BOD1L1: variants seen among roughly 807,000 people sequenced by gnomAD.
The protein encoded by BOD1L1 is biorientation of chromosomes in cell division 1 like 1, also known as biorientation of chromosomes in cell division protein 1-like 1.
Under a neutral mutation model 240.7 loss-of-function variants are expected in BOD1L1, and 86 were observed. The observed-to-expected ratio is 0.36, with a 90% CI of 0.30 to 0.43. The LOEUF (loss-of-function observed/expected upper bound fraction) is 0.43, where lower values mean the gene tolerates loss of function less well. Ranked by LOEUF, BOD1L1 falls within the 20% of genes least tolerant of loss-of-function variation. BOD1L1 has a pLI of 1.00. For synonymous variants in BOD1L1, 1,268 were observed against 1,272.3 expected (o/e 1.00, Z 0.07); for missense variants, 3,554 against 3,643.5 (o/e 0.98, Z 0.63).
Position 13,614,658 on chromosome 4 carries a change from G to T in BOD1L1, c.712C>A (p.Pro238Thr), listed in dbSNP as rs769094568. 1.9e-6 allele frequency: 3 copies of T among 1,613,738 alleles called. No individual in the cohort carries two copies. In the East Asian group the frequency reaches 6.7e-5, roughly 36 times the overall value. ...CTAGTATCAGTGGTTGGCTGAGATG[G>T]AAGTTTTTTTGACGCTCTCTCACTG... ...KTSERASKKLPSQPTTDTSTD... is the reference protein window; with the variant it reads ...KTSERASKKLTSQPTTDTSTD... Residue 238 changes from proline (P) to threonine (T), a missense_variant, in exon 4 of 26, where the codon CCA becomes ACA. Around this residue, in one of 2 missense-constraint regions of BOD1L1, gnomAD observed 3,393 missense variants for 3,427.1 expected, o/e 0.99. Coordinates refer to ENST00000040738, the MANE Select transcript of BOD1L1 (RefSeq NM_148894.3).
chr4:13,572,640 TTATTG>T (rs1712308493), intron 25 of BOD1L1: 1 of 1,231,218 alleles, frequency 8.1e-7, no homozygotes, highest in South Asian at 1.3e-5. Flanking sequence ...GAAGAAAGCA[TTATTG>T]TACCAAAAAT....
chr4:13,579,639 T>C (rs779227320), intron 22 of BOD1L1, among the ~76,000 whole-genome samples: 3 of 152,216 alleles, frequency 2.0e-5, no homozygotes, highest in Non-Finnish European at 4.4e-5. Context: ...ACAAATAATA[T>C]GGAATGCTCC....
intron 12 of BOD1L1, chr4:13,593,661 T>C (rs1031183898): frequency 6.6e-6 from 1 of 152,216 alleles, no homozygotes; most frequent in African/African-American, 2.4e-5. Context: ...ATCTTTATTA[T>C]AGTACCTTAC....
intron 1 of BOD1L1, chr4:13,623,925 T>C (rs561171950): frequency 1.3e-5 from 2 of 152,266 alleles, no homozygotes; most frequent in East Asian, 1.9e-4. Context: ...GTTCTTTGCA[T>C]GAACAGGGAA....
rs776023953 is a variant in BOD1L1 at position 13,603,943 on chromosome 4, T to C, written c.2957A>G (p.Lys986Arg). Residue 986 changes from lysine (K) to arginine (R), a missense_variant, in exon 10 of 26, where the codon AAG becomes AGG. Physicochemically the swap from Lys to Arg is conservative, Grantham distance 26. This residue lies in a region of BOD1L1 where 3,393 missense variants were observed against 3,427.1 expected (regional missense o/e 0.99). Transcript: ENST00000040738. Reference protein sequence around the residue: ...TASSSAHSTQKDSSHRAKLPL... With the variant: ...TASSSAHSTQRDSSHRAKLPL... ...TAACTTGGCTCTATGACTAGAATCC[T>C]TCTGTGTACTATGTGCTGAAGAAGA... 16 of 1,613,976 alleles carry C rather than the reference T, an allele frequency of 9.9e-6. No homozygotes were observed. The highest frequency in any genetic ancestry group is 1.4e-5 in the Non-Finnish European group (16 of 1,179,874).
rs909060235 is a variant in BOD1L1 at position 13,627,513 on chromosome 4, T to TGGCTGC, written c.69_74dup (p.Gln24_Pro25dup). 184 of 1,044,020 alleles carry TGGCTGC rather than the reference T, an allele frequency of 1.8e-4. No homozygotes were observed. Among genetic ancestry groups the TGGCTGC allele is most frequent in the Middle Eastern group, 8.7e-4 (2 of 2,294 alleles). 64.7% of individuals were successfully genotyped at this position (1,044,020 alleles called of 1,614,324 possible). On this transcript the variant is annotated inframe_insertion, in exon 1 of 26. Transcript: ENST00000040738. ...CCCCGGGGCCCGGCGGCGGCGGCGG[T>TGGCTGC]GGCTGCGGCTGCGGCTGCGGCGGGG...
intron 2 of BOD1L1, among the ~76,000 whole-genome samples, chr4:13,617,227 G>A (rs1418692028): frequency 7.8e-6 from 1 of 127,656 alleles, no homozygotes; most frequent in African/African-American, 2.9e-5. Flanking sequence ...CCTGGCGACA[G>A]AGCGAACTCC....
chr4:13,576,849 T>C lies in BOD1L1; in HGVS notation c.9027A>G (p.Ser3009=). ...GCTGCCCCCATTACCTCTGAGCCTC[T>C]GATCTGGTGGTGGATCTTGTGGTGG... The part of the protein sequence containing the change: ...SGATTRSTTR[S]EAQRSKTQLS... Residue 3009 remains serine, a synonymous_variant, in exon 25 of 26, where the codon TCA becomes TCG. Transcript: ENST00000040738. 1 of 1,613,886 alleles carries C rather than the reference T, an allele frequency of 6.2e-7. No homozygotes were observed. Among genetic ancestry groups the C allele is most frequent in the Non-Finnish European group, 8.5e-7 (1 of 1,179,812 alleles).
At position 13,599,013 on chromosome 4, in the gene BOD1L1, C is replaced by A; in HGVS notation, c.7887G>T (p.Arg2629Ser). The A allele has an allele frequency of 1.2e-6, 2 of 1,613,888 alleles. No individual in the cohort carries two copies. Among genetic ancestry groups the A allele is most frequent in the Non-Finnish European group, 1.7e-6 (2 of 1,179,820 alleles). ...TGTCTCCTTCCTCAGGGAATGATTT[C>A]CTTGTGCTGTTATCATCTCCTGTTT... is the stretch of plus-strand genomic sequence containing the variant. Reference protein sequence around the residue: ...AEKTGDDNSTRKSFPEEGDIM... With the variant: ...AEKTGDDNSTSKSFPEEGDIM... The change falls in exon 10 of 26, where the codon AGG becomes AGT. Residue 2629 changes from arginine (R) to serine (S), a missense_variant. Around this residue, in one of 2 missense-constraint regions of BOD1L1, gnomAD observed 3,393 missense variants for 3,427.1 expected, o/e 0.99. Coordinates refer to ENST00000040738, the MANE Select transcript of BOD1L1 (RefSeq NM_148894.3).
Position 13,602,017 on chromosome 4 carries a change from G to A in BOD1L1, c.4883C>T (p.Ala1628Val), listed in dbSNP as rs145336865. 4 of 1,613,934 alleles carry A rather than the reference G, an allele frequency of 2.5e-6. No homozygotes were observed. The African/African-American group carries it at 4.0e-5, about 16-fold the overall frequency. The change falls in exon 10 of 26, where the codon GCA (alanine) becomes GTA (valine). Residue 1628 changes from alanine to valine, a missense_variant. Transcript: ENST00000040738. Reference protein sequence around the residue: ...CAVAESEDRAADLLAVHAVKI... With the variant: ...CAVAESEDRAVDLLAVHAVKI... ...AACTGCATGCACAGCCAGTAGGTCT[G>A]CTGCTCTGTCCTCAGATTCAGCCAC... is the stretch of plus-strand genomic sequence containing the variant.
chr4:13,582,550 T>C, intron 18 of BOD1L1, 102 bp downstream of exon 18: 1 of 888,514 alleles, frequency 1.1e-6, no homozygotes, highest in South Asian at 1.6e-5. Flanking sequence ...AGGCACTTTA[T>C]TACACAGGAA....
chr4:13,584,780 T>C (rs755035422), intron 17 of BOD1L1, among the ~76,000 whole-genome samples: 44 of 152,274 alleles, frequency 2.9e-4, no homozygotes, highest in Admixed American at 9.2e-4. Flanking sequence ...CTTTTGGTCT[T>C]ACTATACACA....
chr4:13,611,109 A>C lies in BOD1L1; in HGVS notation c.1325-9T>G, dbSNP rs1716133557. On this transcript the variant is annotated splice_polypyrimidine_tract_variant and intron_variant, in intron 5 of 25. Coordinates refer to ENST00000040738, the MANE Select transcript of BOD1L1 (RefSeq NM_148894.3). ...TTTGTTCTTCTCTTCATCTGTAAGA[A>C]AGTTAATAGAAAGAGGAGTATGTCT... The C allele has an allele frequency of 6.4e-7, 1 of 1,574,112 alleles. No individual in the cohort carries two copies. The highest frequency in any genetic ancestry group is 1.8e-5 in the Admixed American group (1 of 57,122).
chr4:13,573,655 C>T (rs1712443469), intron 25 of BOD1L1, among the ~76,000 whole-genome samples: 1 of 152,058 alleles, frequency 6.6e-6, no homozygotes, highest in Non-Finnish European at 1.5e-5. Flanking sequence ...GCCCAAGTAG[C>T]TAGGATTACA....
At chr4:13,574,914 TTTTTTTTTG>T (rs1316227440) in intron 25 of BOD1L1, among the ~76,000 whole-genome samples, 118 of 41,086 alleles carry the variant, frequency 2.9e-3, no homozygotes, top group East Asian at 0.023. Context: ...TAAGTTTTTG[TTTTTTTTTG>T]TTTTTTTTTT....
At position 13,604,955 on chromosome 4, in the gene BOD1L1, T is replaced by C. The variant is rs1003806706; in HGVS notation, c.1945A>G (p.Lys649Glu). Residue 649 changes from lysine to glutamate, a missense_variant, in exon 10 of 26, where the codon AAA becomes GAA. Lys to Glu is a moderately conservative substitution (Grantham distance 56). This residue lies in a region of BOD1L1 where 3,393 missense variants were observed against 3,427.1 expected (regional missense o/e 0.99). Transcript: ENST00000040738. ...HVVDENKNES[K>E]LEREHKRRTS... ...CGTCTTTTATGTTCTCTTTCTAATT[T>C]GGATTCATTTTTGTTTTCGTCAACT... 1.2e-6 allele frequency: 2 copies of C among 1,613,768 alleles called. No homozygotes were observed. The highest frequency in any genetic ancestry group is 3.3e-4 in the Middle Eastern group (2 of 6,060).
chr4:13,599,128 C>T lies in BOD1L1; in HGVS notation c.7772G>A (p.Ser2591Asn). ...SHTMIPPATYSVALLAPKCEQ... is the reference protein window; with the variant it reads ...SHTMIPPATYNVALLAPKCEQ... ...ACATTTAGGAGCCAACAGAGCTACA[C>T]TGTAAGTAGCTGGAGGGATCATTGT... Residue 2591 changes from serine to asparagine, a missense_variant, in exon 10 of 26, where the codon AGT becomes AAT. Physicochemically the swap from Ser to Asn is conservative, Grantham distance 46. Transcript: ENST00000040738. The T allele has an allele frequency of 1.9e-6, 3 of 1,613,826 alleles. No homozygotes were observed. Among genetic ancestry groups the T allele is most frequent in the Non-Finnish European group, 2.5e-6 (3 of 1,179,726 alleles).
At chr4:13,579,588 T>G (rs1713056893) in intron 22 of BOD1L1, among the ~76,000 whole-genome samples, 1 of 152,218 alleles carries the variant, frequency 6.6e-6, no homozygotes, top group Non-Finnish European at 1.5e-5. Flanking sequence ...AATGCATACA[T>G]ATACATTGCA....
At position 13,614,755 on chromosome 4, in the gene BOD1L1, C is replaced by T. The variant is rs754389041; in HGVS notation, c.615G>A (p.Leu205=). The stretch of plus-strand genomic sequence containing the variant: ...CTTGGTTAAGAGAAGTTATGGTTTC[C>T]AATATCGACATGGCATCATTGGCTA... ...ANVANDAMSI[L]ETITSLNQEA... The change falls in exon 4 of 26, where the codon TTG becomes TTA. Residue 205 remains leucine, a synonymous_variant. Transcript: ENST00000040738. 22 of 1,613,640 alleles carry T rather than the reference C, an allele frequency of 1.4e-5. No individual in the cohort carries two copies. Among genetic ancestry groups the T allele is most frequent in the Middle Eastern group, 1.6e-4 (1 of 6,084 alleles).
Sources: allele counts gnomAD v4.1 joint callset (sites outside exome capture counted in the v4.1 genomes callset), GRCh38; gene constraint gnomAD v4.1.1; regional missense constraint gnomAD v4.1.1; transcripts MANE v1.5; gene names NCBI Gene and HGNC (gene_info 2026-07-23, HGNC 2026-07-21).